Variants in XPNPEP3 observed in about 807,000 individuals in gnomAD.
XPNPEP3 encodes X-prolyl aminopeptidase 3, also known as xaa-Pro aminopeptidase 3.
XPNPEP3 carries 41 observed loss-of-function variants against 60.0 expected under a neutral mutation model. That is an observed-to-expected ratio of 0.68 (90% confidence interval 0.53 to 0.89). The LOEUF (loss-of-function observed/expected upper bound fraction) is 0.89. XPNPEP3 is among the 40% of genes least tolerant of loss of function. The pLI is 0.00. For missense variants in XPNPEP3, 598 were observed against 638.9 expected (o/e 0.94, Z 0.69); for synonymous variants, 212 against 223.2 (o/e 0.95, Z 0.45).
intron 1 of XPNPEP3, chr22:40,861,170 G>T: frequency 6.2e-7 from 1 of 1,613,934 alleles, no homozygotes; most frequent in Non-Finnish European, 8.5e-7. Context: ...GATCTCTGTT[G>T]CTGGTAACCC....
chr22:40,911,484 C>T (rs763178016), intron 6 of XPNPEP3, among the ~76,000 whole-genome samples: 1 of 150,480 alleles, frequency 6.6e-6, no homozygotes. Context: ...TTCCTTCGTG[C>T]ACTTTTAAAC....
intron 6 of XPNPEP3, among the ~76,000 whole-genome samples, chr22:40,910,847 T>C (rs1234648664): frequency 6.6e-6 from 1 of 151,696 alleles, no homozygotes; most frequent in Admixed American, 6.6e-5. Flanking sequence ...CTACTAAAAA[T>C]ACAAAAAAAA....
rs377686555 is a variant in XPNPEP3 at position 40,922,406 on chromosome 22, C to T, written c.1129C>T (p.Pro377Ser). 3 of 1,613,684 alleles carry T rather than the reference C, an allele frequency of 1.9e-6. No homozygotes were observed. In the East Asian group the frequency reaches 6.7e-5, roughly 36 times the overall value. The change falls in exon 8 of 10, where the codon CCT becomes TCT. Residue 377 changes from proline (P) to serine (S), a missense_variant. Coordinates refer to ENST00000357137, the MANE Select transcript of XPNPEP3 (RefSeq NM_022098.4). ...IQRDCLALCF[P>S]GTSLENIYSM... ...AAGAGATTGTTTGGCCCTCTGCTTCCCTGGGACAAGCTTGGAGAACATCTA... is the reference window on the plus strand; with the variant it reads ...AAGAGATTGTTTGGCCCTCTGCTTCTCTGGGACAAGCTTGGAGAACATCTA...
At chr22:40,879,198 T>G (rs376647098) in intron 2 of XPNPEP3, among the ~76,000 whole-genome samples, 1 of 152,200 alleles carries the variant, frequency 6.6e-6, no homozygotes, top group African/African-American at 2.4e-5. Flanking sequence ...AAATGTGATA[T>G]GAGCTCTTCT....
intron 3 of XPNPEP3, among the ~76,000 whole-genome samples, chr22:40,886,061 C>G (rs181875968): frequency 6.6e-6 from 1 of 152,254 alleles, no homozygotes; most frequent in East Asian, 1.9e-4. Flanking sequence ...ATAAAGAACA[C>G]TGAAGTTTAG....
chr22:40,900,824 T>C lies in XPNPEP3; in HGVS notation c.793-6763T>C, dbSNP rs1024206328. Among the ~76,000 whole-genome samples the C allele has an allele frequency of 2.0e-5, 3 of 152,046 alleles. No individual in the cohort carries two copies. The South Asian group carries it at 6.2e-4, about 32-fold the overall frequency. The stretch of plus-strand genomic sequence containing the variant: ...GGCATGTTCCTGTAATTTCAGCTAC[T>C]CACGAGGCTGAGGTGGGAGGATCAC... On this transcript the variant is annotated intron_variant, in intron 4 of 9. Transcript: ENST00000357137.
intron 4 of XPNPEP3, among the ~76,000 whole-genome samples, chr22:40,898,258 T>C (rs2058117409): frequency 1.2e-5 from 1 of 82,860 alleles, no homozygotes; most frequent in Admixed American, 1.1e-4. Context: ...TTTTTTTTTT[T>C]TTTTTTGAGA....
At chr22:40,870,789 T>TG (rs1425391716) in intron 2 of XPNPEP3, among the ~76,000 whole-genome samples, 1 of 151,990 alleles carries the variant, frequency 6.6e-6, no homozygotes, top group Non-Finnish European at 1.5e-5. Context: ...GAGGCCAAGG[T>TG]GGGTGGATCA....
At chr22:40,861,399 A>G (rs1379963211) in intron 1 of XPNPEP3, 3 of 1,613,602 alleles carry the variant, frequency 1.9e-6, no homozygotes, top group Non-Finnish European at 2.5e-6. Flanking sequence ...CTTTGTATTA[A>G]TATTTCTGCC....
At chr22:40,883,328 C>T (rs1351340355) in intron 3 of XPNPEP3, among the ~76,000 whole-genome samples, 1 of 152,060 alleles carries the variant, frequency 6.6e-6, no homozygotes, top group Non-Finnish European at 1.5e-5. Flanking sequence ...TTTAACAGAT[C>T]TTTTGTGGTT....
chr22:40,882,772 A>G (rs1417343571), intron 3 of XPNPEP3, among the ~76,000 whole-genome samples: 10 of 152,144 alleles, frequency 6.6e-5, no homozygotes. Flanking sequence ...AAAGTATATA[A>G]TTTAAGAGTT....
chr22:40,906,496 C>G (rs1029926267), intron 4 of XPNPEP3, among the ~76,000 whole-genome samples: 4 of 151,686 alleles, frequency 2.6e-5, no homozygotes, highest in Non-Finnish European at 5.9e-5. Flanking sequence ...TACTGTAGGT[C>G]AGTGATTCTC....
rs1412149583 is a variant in XPNPEP3, at chr22:40,897,988, CTT to C, written c.793-9598_793-9597del. On this transcript the variant is annotated intron_variant, in intron 4 of 9. Coordinates refer to ENST00000357137, the MANE Select transcript of XPNPEP3 (RefSeq NM_022098.4). ...TCCTTATATGTTTTTGATATTAACT[CTT>C]AATCCGGTATATGGTTTGCAAATAT... 3.3e-5 allele frequency among the ~76,000 whole-genome samples: 5 copies of C among 152,038 alleles called. No individual in the cohort carries two copies. The East Asian group carries it at 9.6e-4, about 29-fold the overall frequency.
At chr22:40,896,495 G>A (rs1282609487) in intron 4 of XPNPEP3, among the ~76,000 whole-genome samples, 2 of 152,034 alleles carry the variant, frequency 1.3e-5, no homozygotes, top group African/African-American at 2.4e-5. Context: ...GCGAAACCCC[G>A]TCTCTACTAA....
chr22:40,924,919 T>C (rs991492453), intron 9 of XPNPEP3, among the ~76,000 whole-genome samples: 1 of 152,242 alleles, frequency 6.6e-6, no homozygotes, highest in African/African-American at 2.4e-5. Flanking sequence ...TTATCTTTTG[T>C]ATTCTTATTT....
rs553296272 is a variant in XPNPEP3 at position 40,924,623 on chromosome 22, A to G, written c.1357+141A>G. 2.1e-5 allele frequency: 27 copies of G among 1,260,362 alleles called. No individual in the cohort carries two copies. In the South Asian group the frequency reaches 3.1e-4, roughly 14 times the overall value. 78.1% of individuals were successfully genotyped at this position (1,260,362 alleles called of 1,614,324 possible). The stretch of plus-strand genomic sequence containing the variant: ...ACTGCAACCTCCGCCCCCCAGGTTC[A>G]GCAATTCTCCTGCCTCAACCTCCTG... On this transcript the variant is annotated intron_variant, in intron 9 of 9. Transcript: ENST00000357137.
intron 1 of XPNPEP3, among the ~76,000 whole-genome samples, chr22:40,863,864 T>C (rs1483342875): frequency 1.3e-5 from 2 of 152,178 alleles, no homozygotes; most frequent in East Asian, 1.9e-4. Context: ...TAAACTTGAG[T>C]CTAATTTCAA....
chr22:40,885,027 CAA>C (rs760016473), intron 3 of XPNPEP3, among the ~76,000 whole-genome samples: 3 of 121,634 alleles, frequency 2.5e-5, no homozygotes, highest in Admixed American at 8.6e-5. Context: ...GACTACGTCT[CAA>C]AAAAAAAAAA....
chr22:40,926,353 C>T lies in XPNPEP3; in HGVS notation c.1442C>T (p.Thr481Ile), dbSNP rs1289709422. ...GVRIEDDVVVTQDSPLILSAD... is the reference protein window; with the variant it reads ...GVRIEDDVVVIQDSPLILSAD... ...CGAATTGAGGATGATGTAGTGGTGACTCAGGACTCACCTCTCATCCTTTCT... is the reference window on the plus strand; with the variant it reads ...CGAATTGAGGATGATGTAGTGGTGATTCAGGACTCACCTCTCATCCTTTCT... The change falls in exon 10 of 10, where the codon ACT (threonine) becomes ATT (isoleucine). Residue 481 changes from threonine (T) to isoleucine (I), a missense_variant. Coordinates refer to ENST00000357137, the MANE Select transcript of XPNPEP3 (RefSeq NM_022098.4). 6.2e-7 allele frequency: 1 copy of T among 1,613,994 alleles called. No homozygotes were observed. Among genetic ancestry groups the T allele is most frequent in the Non-Finnish European group, 8.5e-7 (1 of 1,179,936 alleles).
Sources: gnomAD v4.1 joint callset for allele counts (sites outside exome capture counted in the v4.1 genomes callset) on GRCh38, gnomAD v4.1.1 for gene constraint, MANE v1.5 for transcripts, NCBI Gene and HGNC (gene_info 2026-07-23, HGNC 2026-07-21) for gene names.